RANBP3: variants seen among roughly 807,000 people sequenced by gnomAD.
The protein encoded by RANBP3 is ran-binding protein 3.
RANBP3 carries 14 observed loss-of-function variants against 77.3 expected under a neutral mutation model. The observed-to-expected ratio is 0.18, with a 90% confidence interval of 0.12 to 0.28. The LOEUF (loss-of-function observed/expected upper bound fraction) is 0.28. Among genes scored for constraint, RANBP3 ranks in the 10% least tolerant of loss-of-function variants. The pLI is 1.00. For missense variants in RANBP3, 586 were observed against 752.3 expected, an observed-to-expected ratio of 0.78 and a Z score of 2.59; for synonymous variants, 315 against 312.4, an observed-to-expected ratio of 1.01 and a Z score of -0.09.
rs535532666 is a variant in RANBP3, at chr19:5,969,909, G to C, written c.22+8152C>G. Among the ~76,000 whole-genome samples, 14 of 152,368 alleles carry C rather than the reference G, an allele frequency of 9.2e-5. No individual in the cohort carries two copies. The South Asian group carries it at 2.7e-3, about 29-fold the overall frequency. The stretch of plus-strand genomic sequence containing the variant: ...ACTCAGCTGCCAAAAGGCCAGAATA[G>C]AAAAATAAGGTTGGGAGGAAGGGCC... On this transcript the variant is annotated intron_variant, in intron 1 of 16. Coordinates refer to ENST00000340578, the MANE Select transcript of RANBP3 (RefSeq NM_007322.3).
chr19:5,951,549 C>T lies in RANBP3; in HGVS notation c.126G>A (p.Arg42=), dbSNP rs769227444. The T allele has an allele frequency of 6.2e-7, 1 of 1,613,162 alleles. No individual in the cohort carries two copies. Among genetic ancestry groups the T allele is most frequent in the Non-Finnish European group, 8.5e-7 (1 of 1,179,546 alleles). The change falls in exon 3 of 17, where the codon CGG becomes CGA. Residue 42 remains arginine, a synonymous_variant. Coordinates refer to ENST00000340578, the MANE Select transcript of RANBP3 (RefSeq NM_007322.3). ...KNLSDSGEEP[R]GEAEAPHHGT... ...CATGGTGGGGGGCCTCAGCCTCCCC[C>T]CGAGGCTCCTCTCCCGAATCCGACA...
At chr19:5,961,979 CACAG>C (rs1409499458) in intron 1 of RANBP3, among the ~76,000 whole-genome samples, 1 of 151,952 alleles carries the variant, frequency 6.6e-6, no homozygotes, top group Non-Finnish European at 1.5e-5. Flanking sequence ...CTTACTCCTG[CACAG>C]ACACCATCTC....
chr19:5,974,554 G>A (rs2058567051), intron 1 of RANBP3: 1 of 152,162 alleles, frequency 6.6e-6, no homozygotes, highest in South Asian at 2.1e-4. Context: ...AAAGCACTCA[G>A]GTGGACTTTA....
At chr19:5,926,637 T>C (rs1302536999) in intron 9 of RANBP3, among the ~76,000 whole-genome samples, 1 of 152,128 alleles carries the variant, frequency 6.6e-6, no homozygotes, top group Non-Finnish European at 1.5e-5. Flanking sequence ...CACGTAAGCC[T>C]CTGACTTCTG....
At chr19:5,918,387 A>AG in intron 15 of RANBP3, 109 bp downstream of exon 15, 1 of 529,920 alleles carries the variant, frequency 1.9e-6, no homozygotes, top group South Asian at 2.3e-5. Flanking sequence ...AAGCAACTGA[A>AG]GCCCCTCCCC....
chr19:5,941,571 G>A (rs945275597), intron 5 of RANBP3, 50 bp downstream of exon 5: 7 of 1,487,906 alleles, frequency 4.7e-6, no homozygotes, highest in Non-Finnish European at 6.5e-6. Flanking sequence ...GGGAATGGCG[G>A]GTTTGTAAGC....
In RANBP3 at chr19:5,925,879, G is replaced by A. The variant is rs540418000; in HGVS notation, c.814-142C>T. The A allele has an allele frequency of 3.9e-4, 257 of 664,864 alleles. 1 individual carries two copies. The highest frequency in any genetic ancestry group is 6.2e-4 in the Non-Finnish European group (229 of 368,478). The allele number at this position is 664,864 out of a possible 1,614,324, so 41.2% of individuals were successfully genotyped here. A position where few individuals can be genotyped will look rare whatever the true frequency, so the allele number is the denominator to read the frequency against. ...CCTGTACCCGCCTGTGTGTGTGCGC[G>A]TGCATGTGCTGGGGGGCAGGGCTAT... On this transcript the variant is annotated intron_variant, in intron 9 of 16. Coordinates refer to ENST00000340578, the MANE Select transcript of RANBP3 (RefSeq NM_007322.3).
At chr19:5,950,215 G>C (rs1002655201) in intron 3 of RANBP3, among the ~76,000 whole-genome samples, 1 of 152,192 alleles carries the variant, frequency 6.6e-6, no homozygotes, top group Non-Finnish European at 1.5e-5. Flanking sequence ...TGGGAGGGCT[G>C]TACTCCCAGT....
At chr19:5,977,991 C>T in intron 1 of RANBP3, 70 bp downstream of exon 1, 12 of 1,593,342 alleles carry the variant, frequency 7.5e-6, no homozygotes, top group Non-Finnish European at 1.0e-5. Context: ...CCCCCAAGGG[C>T]TTGTGGCCCC....
intron 13 of RANBP3, among the ~76,000 whole-genome samples, chr19:5,922,420 C>T (rs555950382): frequency 6.6e-6 from 1 of 152,300 alleles, no homozygotes; most frequent in Admixed American, 6.5e-5. Flanking sequence ...TGCTTATGTG[C>T]CACGGGAGAG....
At chr19:5,946,251 C>A (rs1430233020) in intron 3 of RANBP3, among the ~76,000 whole-genome samples, 1 of 152,206 alleles carries the variant, frequency 6.6e-6, no homozygotes, top group East Asian at 1.9e-4. Context: ...ACAGTTCATT[C>A]ACGCGACACC....
intron 1 of RANBP3, among the ~76,000 whole-genome samples, chr19:5,971,782 A>G (rs981281965): frequency 2.6e-5 from 4 of 152,230 alleles, no homozygotes; most frequent in African/African-American, 9.6e-5. Flanking sequence ...CTAAGTGTAG[A>G]GAATGCAGAG....
rs1011600932 is a variant in RANBP3, at chr19:5,924,298, G to A, written c.997-384C>T. On this transcript the variant is annotated intron_variant, in intron 11 of 16. Transcript: ENST00000340578. The surrounding 1 kb of genome is among the most constrained non-coding windows in gnomAD (Gnocchi z 4.7). ...GACAGGCCCTCACGCAGTCGCAATGGAGCTGGGTGGAATCAGGAAGAAAAA... is the reference window on the plus strand; with the variant it reads ...GACAGGCCCTCACGCAGTCGCAATGAAGCTGGGTGGAATCAGGAAGAAAAA... Among the ~76,000 whole-genome samples, 1 of 152,256 alleles carries A rather than the reference G, an allele frequency of 6.6e-6. No homozygotes were observed. The highest frequency in any genetic ancestry group is 6.5e-5 in the Admixed American group (1 of 15,288).
At chr19:5,927,585 G>A (rs2057929379) in intron 9 of RANBP3, among the ~76,000 whole-genome samples, 1 of 152,244 alleles carries the variant, frequency 6.6e-6, no homozygotes, top group South Asian at 2.1e-4. Context: ...TGCTGAAACA[G>A]AGAAACCCTG....
intron 5 of RANBP3, among the ~76,000 whole-genome samples, chr19:5,935,369 A>T (rs2058049864): frequency 6.6e-6 from 1 of 152,242 alleles, no homozygotes; most frequent in Non-Finnish European, 1.5e-5. Flanking sequence ...GGAGAGCCAG[A>T]TCCTGCAGGA....
chr19:5,962,616 G>A (rs1300517343), intron 1 of RANBP3: 7 of 455,070 alleles, frequency 1.5e-5, no homozygotes, highest in African/African-American at 4.0e-5. Flanking sequence ...GGCCCATCTC[G>A]GCCCATTGGG....
At chr19:5,966,921 C>T (rs759579038) in intron 1 of RANBP3, among the ~76,000 whole-genome samples, 2 of 152,220 alleles carry the variant, frequency 1.3e-5, no homozygotes, top group South Asian at 2.1e-4. Flanking sequence ...GAAAGCATCT[C>T]GCCAACACAA....
At chr19:5,951,697 C>T (rs766227027) in intron 2 of RANBP3, 101 bp from the exon 3 acceptor site, 1 of 1,082,610 alleles carries the variant, frequency 9.2e-7, no homozygotes, top group Non-Finnish European at 1.4e-6. Context: ...GCTCAGCTTG[C>T]AGCAGCTCCT....
chr19:5,937,143 G>C (rs908529347), intron 5 of RANBP3, among the ~76,000 whole-genome samples: 1 of 150,282 alleles, frequency 6.7e-6, no homozygotes, highest in Non-Finnish European at 1.5e-5. Context: ...GACATCACTG[G>C]GCGCGAACAC....
Sources: gnomAD v4.1 joint callset for allele counts (sites outside exome capture counted in the v4.1 genomes callset) on GRCh38, gnomAD v4.1.1 for gene constraint, Gnocchi (gnomAD v3.1) non-coding constraint, MANE v1.5 for transcripts, NCBI Gene and HGNC (gene_info 2026-07-23, HGNC 2026-07-21) for gene names.